SLCO3A1: variants seen among roughly 807,000 people sequenced by gnomAD.
SLCO3A1 encodes PGE1 transporter.
In SLCO3A1, 27 loss-of-function variants were observed where a neutral mutation model predicts 63.1. The observed-to-expected ratio is 0.43, with a 90% CI of 0.32 to 0.59. The LOEUF (loss-of-function observed/expected upper bound fraction) is 0.59, where lower values mean the gene tolerates loss of function less well. Ranked by LOEUF, SLCO3A1 falls within the 20% of genes least tolerant of loss-of-function variation. The pLI, the probability that SLCO3A1 is intolerant of heterozygous loss-of-function variation, is 0.09. For missense variants in SLCO3A1, 773 were observed against 945.8 expected (o/e 0.82, Z 2.40); for synonymous variants, 473 against 409.9 (o/e 1.15, Z -1.86).
intron 9 of SLCO3A1, 135 bp from the exon 10 acceptor site, chr15:92,162,621 C>G: frequency 1.4e-6 from 2 of 1,404,200 alleles, no homozygotes; most frequent in East Asian, 2.4e-5. Context: ...TGCGCTTTGC[C>G]TCCTGAGCAT....
intron 2 of SLCO3A1, among the ~76,000 whole-genome samples, chr15:92,029,417 C>A (rs2046618108): frequency 1.3e-5 from 2 of 152,212 alleles, no homozygotes; most frequent in South Asian, 4.1e-4. Flanking sequence ...AGAGACTATT[C>A]CCAGGCTTGG....
At chr15:92,076,525 A>G (rs1253106176) in intron 2 of SLCO3A1, among the ~76,000 whole-genome samples, 2 of 152,180 alleles carry the variant, frequency 1.3e-5, no homozygotes, top group Non-Finnish European at 2.9e-5. Flanking sequence ...TTGCTCCTGC[A>G]TGGGGCCTGG....
At chr15:92,151,223 A>AAG in intron 9 of SLCO3A1, 1 of 497,686 alleles carries the variant, frequency 2.0e-6, no homozygotes. Flanking sequence ...ATTTATACCA[A>AAG]CTCTTATCTT....
chr15:92,036,362 T>TC (rs1555426402), intron 2 of SLCO3A1, among the ~76,000 whole-genome samples: 994 of 72,218 alleles, frequency 0.014, 11 homozygotes, highest in African/African-American at 0.033. Context: ...AGGTTTTCTT[T>TC]TTTTTTTTTT....
At chr15:92,031,952 G>T (rs1348129690) in intron 2 of SLCO3A1, among the ~76,000 whole-genome samples, 9 of 152,100 alleles carry the variant, frequency 5.9e-5, no homozygotes, top group East Asian at 3.9e-4. Context: ...TGGCCAAGTG[G>T]GTAGGAATTT....
At position 92,163,893 on chromosome 15, in the gene SLCO3A1, A is replaced by C. The variant is rs2048471157; in HGVS notation, c.*758A>C. ...GGGCCAGCACCTCCCAGTGGCGGGC[A>C]TCCACCTTCCCCCAGCCCCACAGAG... On this transcript the variant is annotated 3_prime_UTR_variant, in exon 10 of 10. Coordinates refer to ENST00000318445, the MANE Select transcript of SLCO3A1 (RefSeq NM_013272.4). The C allele has an allele frequency of 1.0e-6, 1 of 985,612 alleles. No homozygotes were observed. The highest frequency in any genetic ancestry group is 1.7e-5 in the African/African-American group (1 of 57,360). The allele number at this position is 985,612 out of a possible 1,614,324, so 61.1% of individuals were successfully genotyped here.
At chr15:91,879,291 T>A (rs1368140300) in intron 1 of SLCO3A1, among the ~76,000 whole-genome samples, 1 of 134,502 alleles carries the variant, frequency 7.4e-6, no homozygotes, top group Non-Finnish European at 1.6e-5. Context: ...TATCTGTCAC[T>A]TATTTTTTCT....
rs1000380251 is a variant in SLCO3A1, at chr15:91,968,226, C to T, written c.646+51768C>T. Among the ~76,000 whole-genome samples the T allele has an allele frequency of 2.0e-5, 3 of 152,106 alleles. No homozygotes were observed. Among genetic ancestry groups the T allele is most frequent in the Non-Finnish European group, 4.4e-5 (3 of 68,032 alleles). ...GTGCCGGATCAGAGACTGGAAAAGT[C>T]TGTATGCCCCCTCCCTACCTTACAG... On this transcript the variant is annotated intron_variant, in intron 2 of 9. Transcript: ENST00000318445. This position sits in a 1 kb window ranked among gnomAD's most constrained non-coding sequence, Gnocchi z 4.2.
intron 1 of SLCO3A1, among the ~76,000 whole-genome samples, chr15:91,898,377 A>G (rs1205742566): frequency 6.6e-6 from 1 of 152,198 alleles, no homozygotes; most frequent in African/African-American, 2.4e-5. Context: ...TTGCTTGTCT[A>G]TGCAATTTCC....
chr15:92,002,109 A>G (rs1210496414), intron 2 of SLCO3A1, among the ~76,000 whole-genome samples: 5 of 152,094 alleles, frequency 3.3e-5, no homozygotes, highest in Admixed American at 6.6e-5. Context: ...TAGCTGCTGG[A>G]ACTGAGGGTC....
intron 2 of SLCO3A1, among the ~76,000 whole-genome samples, chr15:92,023,523 C>T (rs2046535009): frequency 6.6e-6 from 1 of 151,548 alleles, no homozygotes; most frequent in Admixed American, 6.6e-5. Flanking sequence ...GGCTGGAGTG[C>T]AGTGGTGGGA....
chr15:91,957,147 A>T (rs1395064093), intron 2 of SLCO3A1, among the ~76,000 whole-genome samples: 10 of 25,662 alleles, frequency 3.9e-4, no homozygotes, highest in South Asian at 1.3e-3. Context: ...ATATATTATA[A>T]TATATATATA....
chr15:92,034,713 A>G (rs1184348171), intron 2 of SLCO3A1, among the ~76,000 whole-genome samples: 1 of 151,824 alleles, frequency 6.6e-6, no homozygotes, highest in Non-Finnish European at 1.5e-5. Flanking sequence ...GACAGCGACC[A>G]TTGGATTCAC....
Position 92,131,523 on chromosome 15 carries a change from C to T in SLCO3A1, c.1512+3034C>T, listed in dbSNP as rs1459727433. On this transcript the variant is annotated intron_variant, in intron 7 of 9. Transcript: ENST00000318445. ...GGGATTATAGGCAAACACCACCACACCCAGCTAATTTTTTATATTTTTGGT... is the reference window on the plus strand; with the variant it reads ...GGGATTATAGGCAAACACCACCACATCCAGCTAATTTTTTATATTTTTGGT... 5.8e-5 allele frequency among the ~76,000 whole-genome samples: 8 copies of T among 137,524 alleles called. 2 individuals are homozygous for T. The highest frequency in any genetic ancestry group is 2.2e-4 in the African/African-American group (8 of 36,696). The allele number at this position is 137,524 out of a possible 152,430, so 90.2% of individuals were successfully genotyped here. A position where few individuals can be genotyped will look rare whatever the true frequency, so the allele number is the denominator to read the frequency against.
At position 91,967,817 on chromosome 15, in the gene SLCO3A1, C is replaced by T. The variant is rs1332338337; in HGVS notation, c.646+51359C>T. ...GTGGCAGGACTAAAGGTCAAGGTCA[C>T]TTCAGTGTTCTCCCAAATCCCGCTG... On this transcript the variant is annotated intron_variant, in intron 2 of 9. Coordinates refer to ENST00000318445, the MANE Select transcript of SLCO3A1 (RefSeq NM_013272.4). The surrounding 1 kb of genome is among the most constrained non-coding windows in gnomAD (Gnocchi z 4.4). 1.3e-5 allele frequency among the ~76,000 whole-genome samples: 2 copies of T among 152,152 alleles called. No individual in the cohort carries two copies. Among genetic ancestry groups the T allele is most frequent in the Non-Finnish European group, 2.9e-5 (2 of 68,024 alleles).
chr15:92,141,832 A>G (rs544600456), intron 7 of SLCO3A1, among the ~76,000 whole-genome samples: 2 of 152,266 alleles, frequency 1.3e-5, no homozygotes, highest in South Asian at 4.2e-4. Flanking sequence ...CTGGGCTCTT[A>G]TGTCACACAA....
chr15:92,170,218 A>G (rs894826720), downstream of SLCO3A1, among the ~76,000 whole-genome samples: 6 of 152,204 alleles, frequency 3.9e-5, no homozygotes, highest in Non-Finnish European at 2.9e-5. Flanking sequence ...CCATAAAATG[A>G]ATTGGAAGCA....
intron 3 of SLCO3A1, among the ~76,000 whole-genome samples, chr15:92,104,066 A>G (rs1239201082): frequency 6.6e-6 from 1 of 152,182 alleles, no homozygotes; most frequent in Non-Finnish European, 1.5e-5. Context: ...TAGACAAGAA[A>G]ATTAAGGGGG....
chr15:92,010,884 T>C (rs1260176411), intron 2 of SLCO3A1, among the ~76,000 whole-genome samples: 1 of 152,196 alleles, frequency 6.6e-6, no homozygotes, highest in Non-Finnish European at 1.5e-5. Flanking sequence ...CCCCTACTCC[T>C]CACCACCTCC....
Sources: allele counts gnomAD v4.1 joint callset (sites outside exome capture counted in the v4.1 genomes callset), GRCh38; gene constraint gnomAD v4.1.1; non-coding constraint Gnocchi (gnomAD v3.1); transcripts MANE v1.5; gene names NCBI Gene and HGNC (gene_info 2026-07-23, HGNC 2026-07-21).